ZNF385B: variants seen among roughly 807,000 people sequenced by gnomAD.
The protein encoded by ZNF385B is zinc finger protein 385B.
ZNF385B carries 23 observed loss-of-function variants against 39.2 expected under a neutral mutation model. That is an observed-to-expected ratio of 0.59 (90% CI 0.42 to 0.83). The LOEUF (loss-of-function observed/expected upper bound fraction) is 0.83. Among genes scored for constraint, ZNF385B ranks in the 40% least tolerant of loss-of-function variants. ZNF385B has a pLI of 0.00. For synonymous variants in ZNF385B, 205 were observed against 222.6 expected (o/e 0.92, Z 0.70); for missense variants, 552 against 598.9 (o/e 0.92, Z 0.82).
chr2:179,665,652 C>A (rs1228014084), intron 3 of ZNF385B, among the ~76,000 whole-genome samples: 1 of 152,148 alleles, frequency 6.6e-6, no homozygotes, highest in Non-Finnish European at 1.5e-5. Flanking sequence ...CTGGACACAT[C>A]AAAATAATTG....
At chr2:179,506,865 A>C (rs867879268) in intron 5 of ZNF385B, among the ~76,000 whole-genome samples, 1 of 152,156 alleles carries the variant, frequency 6.6e-6, no homozygotes, top group Non-Finnish European at 1.5e-5. Context: ...CCACTGATAA[A>C]GTAAGGAAAT....
intron 6 of ZNF385B, among the ~76,000 whole-genome samples, chr2:179,481,391 T>G (rs2053976648): frequency 6.6e-6 from 1 of 151,782 alleles, no homozygotes; most frequent in Non-Finnish European, 1.5e-5. Flanking sequence ...TTTGACTTTT[T>G]TTTTTCTATT....
intron 3 of ZNF385B, among the ~76,000 whole-genome samples, chr2:179,680,568 A>G (rs1313648297): frequency 6.6e-6 from 1 of 152,126 alleles, no homozygotes; most frequent in Admixed American, 6.6e-5. Flanking sequence ...TAGTTACTTA[A>G]GTTTGTTAAC....
At chr2:179,856,972 CCTTG>C in intron 1 of ZNF385B, among the ~76,000 whole-genome samples, 1 of 152,256 alleles carries the variant, frequency 6.6e-6, no homozygotes, top group African/African-American at 2.4e-5. Flanking sequence ...ATCTACTGCA[CCTTG>C]CTTCTCAAAG....
chr2:179,789,578 C>T (rs901950675), intron 1 of ZNF385B, among the ~76,000 whole-genome samples: 4 of 152,242 alleles, frequency 2.6e-5, no homozygotes, highest in East Asian at 1.9e-4. Context: ...ATGTTCATAT[C>T]AACAAGCAAA....
rs1313311131 is a variant in ZNF385B, at chr2:179,861,285, G to A, written c.-339C>T. 1 of 157,414 alleles carries A rather than the reference G, an allele frequency of 6.4e-6. No homozygotes were observed. The highest frequency in any genetic ancestry group is 1.4e-5 in the Non-Finnish European group (1 of 72,098). The allele number at this position is 157,414 out of a possible 1,614,324, so 9.8% of individuals were successfully genotyped here. The stretch of plus-strand genomic sequence containing the variant: ...TAGCAGCGGCGGCGGTGGAGGTGGC[G>A]CGGGCGACAGCTCGGCCCGGCGCGG... On this transcript the variant is annotated 5_prime_UTR_variant, in exon 1 of 10. Transcript: ENST00000410066.
At chr2:179,546,450 C>G (rs1366480255) in intron 3 of ZNF385B, among the ~76,000 whole-genome samples, 1 of 152,148 alleles carries the variant, frequency 6.6e-6, no homozygotes, top group Non-Finnish European at 1.5e-5. Context: ...ATTTTTAGCT[C>G]CACAAATAAG....
At chr2:179,746,109 C>T (rs1259621040) in intron 3 of ZNF385B, 4 of 882,640 alleles carry the variant, frequency 4.5e-6, no homozygotes, top group Non-Finnish European at 4.1e-6. Flanking sequence ...ATTATCAATG[C>T]ATGAAATCAG....
intron 3 of ZNF385B, among the ~76,000 whole-genome samples, chr2:179,645,037 C>T (rs1399788391): frequency 2.6e-5 from 4 of 152,208 alleles, no homozygotes; most frequent in Non-Finnish European, 4.4e-5. Context: ...GAGGCAGTGT[C>T]ATCCATCTCT....
intron 3 of ZNF385B, among the ~76,000 whole-genome samples, chr2:179,750,306 C>G (rs1702598967): frequency 6.6e-6 from 1 of 152,208 alleles, no homozygotes; most frequent in Middle Eastern, 3.4e-3. Flanking sequence ...CCTACAATAT[C>G]AGTCTCAATT....
chr2:179,840,500 G>A (rs1708484717), intron 1 of ZNF385B, among the ~76,000 whole-genome samples: 1 of 152,166 alleles, frequency 6.6e-6, no homozygotes, highest in South Asian at 2.1e-4. Flanking sequence ...GTGAATGAAA[G>A]CTAGGAGACC....
chr2:179,620,348 C>T (rs1364269156), intron 3 of ZNF385B, among the ~76,000 whole-genome samples: 1 of 152,124 alleles, frequency 6.6e-6, no homozygotes, highest in Non-Finnish European at 1.5e-5. Context: ...ATCTGGGGCA[C>T]TCTCCTTATT....
intron 4 of ZNF385B, among the ~76,000 whole-genome samples, chr2:179,542,444 A>T (rs763539076): frequency 2.2e-4 from 34 of 152,172 alleles, no homozygotes; most frequent in Non-Finnish European, 4.0e-4. Flanking sequence ...AATTATGTTT[A>T]TACTCTTCCA....
At chr2:179,796,151 A>G (rs1308162353) in intron 1 of ZNF385B, 3 of 152,166 alleles carry the variant, frequency 2.0e-5, no homozygotes, top group Non-Finnish European at 2.9e-5. Flanking sequence ...CAGCAACTTT[A>G]CAAGAGAGGA....
intron 5 of ZNF385B, among the ~76,000 whole-genome samples, chr2:179,511,731 A>G (rs2057703414): frequency 1.3e-5 from 2 of 152,202 alleles, no homozygotes; most frequent in South Asian, 4.1e-4. Flanking sequence ...TATTCTGTCT[A>G]TTTGTACTTA....
At chr2:179,843,704 A>T (rs1708662500) in intron 1 of ZNF385B, among the ~76,000 whole-genome samples, 1 of 152,134 alleles carries the variant, frequency 6.6e-6, no homozygotes, top group Non-Finnish European at 1.5e-5. Flanking sequence ...AACCCATCAG[A>T]TCACCTCCTT....
At chr2:179,459,712 A>G (rs570177134) in intron 6 of ZNF385B, among the ~76,000 whole-genome samples, 6 of 151,128 alleles carry the variant, frequency 4.0e-5, no homozygotes, top group Non-Finnish European at 8.8e-5. Flanking sequence ...AATGTGCATT[A>G]TAATAATAAA....
chr2:179,839,137 T>C (rs1416302620), intron 1 of ZNF385B, among the ~76,000 whole-genome samples: 1 of 152,230 alleles, frequency 6.6e-6, no homozygotes. Flanking sequence ...TGCTTAGCTG[T>C]AGTCAGCTGA....
intron 1 of ZNF385B, among the ~76,000 whole-genome samples, chr2:179,810,932 C>T (rs1038820224): frequency 6.6e-6 from 1 of 151,988 alleles, no homozygotes; most frequent in Non-Finnish European, 1.5e-5. Context: ...CAAAAGGTTC[C>T]CAGAACTGAT....
Sources: gnomAD v4.1 joint callset for allele counts (sites outside exome capture counted in the v4.1 genomes callset) on GRCh38, gnomAD v4.1.1 for gene constraint, MANE v1.5 for transcripts, NCBI Gene and HGNC (gene_info 2026-07-23, HGNC 2026-07-21) for gene names.